Variants in MICU2 observed in about 807,000 individuals in gnomAD.
The protein encoded by MICU2 is mitochondrial calcium uptake 2.
Under a neutral mutation model 60.4 loss-of-function variants are expected in MICU2, and 64 were observed. The ratio of observed to expected loss-of-function variants is 1.06; its 90% CI spans 0.87 to 1.31. The LOEUF (loss-of-function observed/expected upper bound fraction) is 1.31, where lower values mean the gene tolerates loss of function less well. Ranked by LOEUF, MICU2 falls within the 50% of genes most tolerant of loss-of-function variation. The probability of loss-of-function intolerance (pLI) is 0.00; values close to 1 mark genes in which losing one functional copy is unlikely to be tolerated. For synonymous variants in MICU2, 201 were observed against 175.0 expected, an observed-to-expected ratio of 1.15 and a Z score of -1.17; for missense variants, 569 against 531.0, an observed-to-expected ratio of 1.07 and a Z score of -0.70.
intron 1 of MICU2, among the ~76,000 whole-genome samples, chr13:21,599,568 A>G (rs1888769603): frequency 6.6e-6 from 1 of 152,238 alleles, no homozygotes; most frequent in Admixed American, 6.5e-5. Context: ...TGTAGGAGGC[A>G]CTATTTTGTT....
intron 1 of MICU2, among the ~76,000 whole-genome samples, chr13:21,601,442 C>T (rs1888812641): frequency 6.6e-6 from 1 of 152,176 alleles, no homozygotes; most frequent in South Asian, 2.1e-4. Flanking sequence ...CAGGCAAATG[C>T]TATGCCAACA....
intron 1 of MICU2, among the ~76,000 whole-genome samples, chr13:21,592,977 C>T (rs568970700): frequency 2.6e-5 from 4 of 152,352 alleles, no homozygotes; most frequent in Admixed American, 2.0e-4. Context: ...TGCCCTCTCT[C>T]ACCACTCGTA....
chr13:21,528,499 T>C (rs943220994), intron 4 of MICU2, among the ~76,000 whole-genome samples: 4 of 152,220 alleles, frequency 2.6e-5, no homozygotes, highest in African/African-American at 9.6e-5. Flanking sequence ...TTTTTTCCTA[T>C]ACTATCAGAT....
At chr13:21,598,058 T>A (rs1267265854) in intron 1 of MICU2, among the ~76,000 whole-genome samples, 1 of 147,936 alleles carries the variant, frequency 6.8e-6, no homozygotes, top group East Asian at 2.0e-4. Context: ...TCAAAGAAAA[T>A]ATCAATGAAT....
chr13:21,594,176 T>C (rs879487076), intron 1 of MICU2, among the ~76,000 whole-genome samples: 1 of 151,914 alleles, frequency 6.6e-6, no homozygotes, highest in Non-Finnish European at 1.5e-5. Flanking sequence ...AACTTAAACA[T>C]ATTTATAAGA....
At chr13:21,556,708 G>A (rs1310083954) in intron 2 of MICU2, among the ~76,000 whole-genome samples, 1 of 152,144 alleles carries the variant, frequency 6.6e-6, no homozygotes, top group East Asian at 1.9e-4. Context: ...CGGGCAGCAA[G>A]GGAGGGATCT....
rs1593334996 is a variant in MICU2 at position 21,541,441 on chromosome 13, TA to T, written c.359-1754del. On this transcript the variant is annotated intron_variant, in intron 2 of 11. Coordinates refer to ENST00000382374, the MANE Select transcript of MICU2 (RefSeq NM_152726.3). ...AGAATTACAGGTAAAAAGTAAATTA[TA>T]AAATCTATGGAGGCAGATTTCATAC... Among the ~76,000 whole-genome samples the T allele has an allele frequency of 3.3e-5, 5 of 152,184 alleles. No individual in the cohort carries two copies. The South Asian group carries it at 1.0e-3, about 31-fold the overall frequency.
chr13:21,539,371 C>T lies in MICU2; in HGVS notation c.397G>A (p.Glu133Lys), dbSNP rs138571099. 3.0e-5 allele frequency: 49 copies of T among 1,613,580 alleles called. No individual in the cohort carries two copies. Among genetic ancestry groups the T allele is most frequent in the African/African-American group, 6.7e-5 (5 of 74,912 alleles). The change falls in exon 4 of 12, where the codon GAG (glutamate) becomes AAG (lysine). Residue 133 changes from glutamate (E) to lysine (K), a missense_variant. Glu to Lys is a moderately conservative substitution (Grantham distance 56, BLOSUM62 1). Coordinates refer to ENST00000382374, the MANE Select transcript of MICU2 (RefSeq NM_152726.3). ...SVKKLTKKDI[E>K]DTLSGIQTAG... ...GTTTGGATCCCTGACAGTGTATCCT[C>T]GATGTCCTTTGAATACACATATTAA...
At chr13:21,587,030 T>C (rs1888475217) in intron 1 of MICU2, among the ~76,000 whole-genome samples, 1 of 152,214 alleles carries the variant, frequency 6.6e-6, no homozygotes, top group Non-Finnish European at 1.5e-5. Context: ...TGTCATTTTG[T>C]ACATCAAAGC....
At chr13:21,506,138 T>A (rs1886286965) in intron 8 of MICU2, among the ~76,000 whole-genome samples, 3 of 151,748 alleles carry the variant, frequency 2.0e-5, no homozygotes, top group Non-Finnish European at 4.4e-5. Flanking sequence ...TGATCCTCCC[T>A]ACCTCAGCCT....
intron 2 of MICU2, among the ~76,000 whole-genome samples, chr13:21,545,860 C>T (rs999194623): frequency 1.6e-4 from 25 of 152,082 alleles, no homozygotes; most frequent in Admixed American, 5.9e-4. Context: ...AGCAATAATA[C>T]ATCACCTAGT....
chr13:21,603,682 C>G (rs1248674037), intron 1 of MICU2: 2 of 543,762 alleles, frequency 3.7e-6, no homozygotes, highest in East Asian at 6.6e-5. Context: ...TTTTGTGGGC[C>G]GTGGTGTTCA....
intron 2 of MICU2, among the ~76,000 whole-genome samples, chr13:21,552,862 G>T (rs1167622136): frequency 1.3e-5 from 2 of 152,132 alleles, no homozygotes; most frequent in Non-Finnish European, 2.9e-5. Flanking sequence ...GTCAGGTAGC[G>T]TGATGCCTCC....
chr13:21,517,810 C>CGCGT (rs1346904948), intron 6 of MICU2, among the ~76,000 whole-genome samples: 3 of 151,370 alleles, frequency 2.0e-5, no homozygotes, highest in Non-Finnish European at 4.4e-5. Context: ...CGCGCGCGCG[C>CGCGT]GCGCACACGC....
intron 4 of MICU2, among the ~76,000 whole-genome samples, chr13:21,533,768 C>G (rs1002279778): frequency 1.3e-5 from 2 of 151,932 alleles, no homozygotes; most frequent in African/African-American, 4.8e-5. Context: ...CATCGAATAG[C>G]CCTAATTTAA....
At chr13:21,580,041 T>G (rs1223841137) in intron 1 of MICU2, among the ~76,000 whole-genome samples, 1 of 152,214 alleles carries the variant, frequency 6.6e-6, no homozygotes, top group South Asian at 2.1e-4. Flanking sequence ...CTACTTCAAT[T>G]GCCACCACTA....
intron 4 of MICU2, among the ~76,000 whole-genome samples, chr13:21,534,100 A>G (rs1400146102): frequency 6.6e-6 from 1 of 151,354 alleles, no homozygotes; most frequent in East Asian, 1.9e-4. Flanking sequence ...AAAAGAGTTG[A>G]TGCATTATTT....
rs543125190 is a variant in MICU2, at chr13:21,516,227, T to C, written c.598-1809A>G. 2.0e-5 allele frequency among the ~76,000 whole-genome samples: 3 copies of C among 152,320 alleles called. No individual in the cohort carries two copies. The East Asian group carries it at 5.8e-4, about 29-fold the overall frequency. On this transcript the variant is annotated intron_variant, in intron 6 of 11. Coordinates refer to ENST00000382374, the MANE Select transcript of MICU2 (RefSeq NM_152726.3). ...CTTCCCAGTCAATCCTGGTTTCTCT[T>C]TTATTCTTGTTCCCACAGAGACAGT...
intron 1 of MICU2, among the ~76,000 whole-genome samples, chr13:21,580,073 T>C (rs568070001): frequency 1.3e-5 from 2 of 152,356 alleles, no homozygotes; most frequent in East Asian, 3.9e-4. Flanking sequence ...GTCACTTTTC[T>C]CCTTCAACTG....
Sources: allele counts gnomAD v4.1 joint callset (sites outside exome capture counted in the v4.1 genomes callset), GRCh38; gene constraint gnomAD v4.1.1; transcripts MANE v1.5; gene names NCBI Gene and HGNC (gene_info 2026-07-23, HGNC 2026-07-21).